SLC2A13: variants seen among roughly 807,000 people sequenced by gnomAD.
SLC2A13 encodes the protein proton myo-inositol cotransporter.
SLC2A13 carries 32 observed loss-of-function variants against 64.4 expected under a neutral mutation model. That is an observed-to-expected ratio of 0.50 (90% CI 0.37 to 0.67). SLC2A13 has a LOEUF of 0.67. Ranked by LOEUF, SLC2A13 falls within the 30% of genes least tolerant of loss-of-function variation. The pLI, the probability that SLC2A13 is intolerant of heterozygous loss-of-function variation, is 0.00. For synonymous variants in SLC2A13, 338 were observed against 327.1 expected (o/e 1.03, Z -0.36); for missense variants, 743 against 829.2 (o/e 0.90, Z 1.28).
At chr12:39,828,776 C>A (rs567525597) in intron 7 of SLC2A13, among the ~76,000 whole-genome samples, 1 of 151,758 alleles carries the variant, frequency 6.6e-6, no homozygotes, top group South Asian at 2.1e-4. Flanking sequence ...ACAAGTACAT[C>A]TAGAAATATT....
Position 39,893,152 on chromosome 12 carries a change from A to G in SLC2A13, c.1035-21191T>C, listed in dbSNP as rs116340686. The stretch of plus-strand genomic sequence containing the variant: ...CCAATGAGAGTTATCAAAAATAAGA[A>G]AGCAACAACATATTCAGTCATTTAA... On this transcript the variant is annotated intron_variant, in intron 4 of 9. Transcript: ENST00000280871. Among the ~76,000 whole-genome samples, 524 of 152,346 alleles carry G rather than the reference A, an allele frequency of 3.4e-3. 3 individuals are homozygous for G. The highest frequency in any genetic ancestry group is 0.012 in the African/African-American group (510 of 41,592).
chr12:39,981,409 C>T (rs1163301672), intron 3 of SLC2A13, among the ~76,000 whole-genome samples: 1 of 151,542 alleles, frequency 6.6e-6, no homozygotes, highest in Non-Finnish European at 1.5e-5. Context: ...AAAGGATCAA[C>T]AAAATTGATA....
chr12:40,011,222 T>C (rs1947526395), intron 3 of SLC2A13, among the ~76,000 whole-genome samples: 2 of 152,178 alleles, frequency 1.3e-5, no homozygotes, highest in Non-Finnish European at 2.9e-5. Flanking sequence ...AAGTTCTATG[T>C]TGCAGGGGCT....
At chr12:39,951,108 G>T in intron 4 of SLC2A13, 149 bp downstream of exon 4, 1 of 569,456 alleles carries the variant, frequency 1.8e-6, no homozygotes, top group Non-Finnish European at 2.9e-6. Context: ...TTAAAAAATT[G>T]TAAAGTCAGT....
At chr12:39,884,329 A>T (rs142748705) in intron 4 of SLC2A13, among the ~76,000 whole-genome samples, 1,862 of 152,324 alleles carry the variant, frequency 0.012, 41 homozygotes, top group African/African-American at 0.042. Context: ...CAAGGAACTT[A>T]CACATGTCTT....
intron 7 of SLC2A13, among the ~76,000 whole-genome samples, chr12:39,815,640 A>G (rs1370605833): frequency 6.6e-6 from 1 of 152,214 alleles, no homozygotes; most frequent in Non-Finnish European, 1.5e-5. Context: ...CCATAATGCA[A>G]TAATTATTGG....
chr12:39,950,948 T>C (rs1473089778), intron 4 of SLC2A13: 1 of 357,170 alleles, frequency 2.8e-6, no homozygotes, highest in African/African-American at 2.1e-5. Context: ...CCAACCAGCA[T>C]CAAGAAATGG....
Position 39,860,553 on chromosome 12 carries a change from G to A in SLC2A13, c.1319+4209C>T, listed in dbSNP as rs572705890. The stretch of plus-strand genomic sequence containing the variant: ...CCTATTCAATATCCCAGCTGATGTT[G>A]GTTCATGGACACCTGAGATTCCACA... On this transcript the variant is annotated intron_variant, in intron 6 of 9. Transcript: ENST00000280871. 3.9e-5 allele frequency among the ~76,000 whole-genome samples: 6 copies of A among 152,218 alleles called. No individual in the cohort carries two copies. The East Asian group carries it at 7.7e-4, about 20-fold the overall frequency.
At chr12:39,840,713 G>A (rs943164196) in intron 6 of SLC2A13, among the ~76,000 whole-genome samples, 5 of 151,850 alleles carry the variant, frequency 3.3e-5, no homozygotes, top group East Asian at 3.9e-4. Context: ...ATCACAAAAC[G>A]CTCATATTAT....
chr12:39,760,981 A>G (rs1940120956), intron 9 of SLC2A13, among the ~76,000 whole-genome samples: 1 of 1,918 alleles, frequency 5.2e-4, no homozygotes, highest in Non-Finnish European at 1.3e-3. Context: ...CACATAATTG[A>G]ATTGCCAATT....
At chr12:39,767,248 A>G (rs1350457478) in intron 7 of SLC2A13, among the ~76,000 whole-genome samples, 1 of 151,852 alleles carries the variant, frequency 6.6e-6, no homozygotes, top group Non-Finnish European at 1.5e-5. Context: ...TCTCCATCAG[A>G]GCCCTTGAGT....
intron 1 of SLC2A13, among the ~76,000 whole-genome samples, chr12:40,058,820 G>A (rs1948373841): frequency 6.6e-6 from 1 of 152,126 alleles, no homozygotes; most frequent in African/African-American, 2.4e-5. Context: ...ATAATATTCT[G>A]AGAAACAGAC....
chr12:39,968,652 C>T (rs912400032), intron 3 of SLC2A13, among the ~76,000 whole-genome samples: 1 of 151,660 alleles, frequency 6.6e-6, no homozygotes, highest in Non-Finnish European at 1.5e-5. Context: ...CCTACAATTC[C>T]GTCACTTCTA....
rs1939999710 is a variant in SLC2A13 at position 39,757,462 on chromosome 12, T to TTAA, written c.*2561_*2563dup. 1.3e-5 allele frequency: 2 copies of TTAA among 151,628 alleles called. No individual in the cohort carries two copies. The highest frequency in any genetic ancestry group is 3.0e-5 in the Non-Finnish European group (2 of 67,686). The allele number at this position is 151,628 out of a possible 1,614,324, so 9.4% of individuals were successfully genotyped here. A position where few individuals can be genotyped will look rare whatever the true frequency, so the allele number is the denominator to read the frequency against. On this transcript the variant is annotated 3_prime_UTR_variant, in exon 10 of 10. Transcript: ENST00000280871. ...AAAAAAACCTGCAAAATTTAAACAT[T>TTAA]TAATTTTTAATATACTATAAATGTT...
At chr12:39,865,049 A>T (rs988870415) in intron 5 of SLC2A13, among the ~76,000 whole-genome samples, 167 bp from the exon 6 acceptor site, 3 of 152,234 alleles carry the variant, frequency 2.0e-5, no homozygotes, top group African/African-American at 4.8e-5. Context: ...CCCAATGTAT[A>T]AACAAATTAT....
intron 1 of SLC2A13, among the ~76,000 whole-genome samples, chr12:40,081,025 G>GC (rs538028147): frequency 2.8e-4 from 43 of 152,242 alleles, no homozygotes; most frequent in Middle Eastern, 6.8e-3. Flanking sequence ...CTGAATATAA[G>GC]CCCCCCAATC....
chr12:39,785,329 C>T (rs1440987856), intron 7 of SLC2A13, among the ~76,000 whole-genome samples: 1 of 152,182 alleles, frequency 6.6e-6, no homozygotes, highest in Non-Finnish European at 1.5e-5. Flanking sequence ...CTGGCTGTGG[C>T]TTCAGAGAGT....
At chr12:39,869,291 G>T (rs772999470) in intron 5 of SLC2A13, among the ~76,000 whole-genome samples, 90 of 152,230 alleles carry the variant, frequency 5.9e-4, no homozygotes, top group South Asian at 6.2e-4. Flanking sequence ...AGGTGTAAAG[G>T]TCCATTGGTC....
intron 7 of SLC2A13, among the ~76,000 whole-genome samples, chr12:39,828,407 A>G (rs1355652125): frequency 6.6e-6 from 1 of 152,102 alleles, no homozygotes; most frequent in African/African-American, 2.4e-5. Flanking sequence ...GATGGTATAA[A>G]AATACAAATA....
Sources: gnomAD v4.1 joint callset for allele counts (sites outside exome capture counted in the v4.1 genomes callset) on GRCh38, gnomAD v4.1.1 for gene constraint, MANE v1.5 for transcripts, NCBI Gene and HGNC (gene_info 2026-07-23, HGNC 2026-07-21) for gene names.